Variants in FHAD1 observed in about 807,000 individuals in gnomAD.
FHAD1 encodes the protein forkhead associated phosphopeptide binding domain 1, also known as forkhead-associated domain-containing protein 1.
Under a neutral mutation model 191.3 loss-of-function variants are expected in FHAD1, and 146 were observed. The observed-to-expected ratio is 0.76, with a 90% CI of 0.67 to 0.88. FHAD1 has a LOEUF of 0.88. FHAD1 is among the 40% of genes least tolerant of loss of function. The pLI, the probability that FHAD1 is intolerant of heterozygous loss-of-function variation, is 0.00. For synonymous variants in FHAD1, 616 were observed against 672.3 expected, an observed-to-expected ratio of 0.92 and a Z score of 1.29; for missense variants, 1,635 against 1,785.8, an observed-to-expected ratio of 0.92 and a Z score of 1.52.
At chr1:15,247,683 G>A (rs1257135593) in intron 1 of FHAD1, among the ~76,000 whole-genome samples, 2 of 152,126 alleles carry the variant, frequency 1.3e-5, no homozygotes, top group Non-Finnish European at 2.9e-5. Context: ...ATTAGGAGGG[G>A]CATCCCTGCT....
intron 22 of FHAD1, among the ~76,000 whole-genome samples, chr1:15,361,520 C>G (rs189843658): frequency 2.2e-4 from 34 of 152,232 alleles, no homozygotes; most frequent in Admixed American, 2.0e-3. Context: ...TCAGCTCTCT[C>G]GGTGGAGCTT....
chr1:15,248,897 A>AT (rs1646426595), intron 1 of FHAD1, among the ~76,000 whole-genome samples: 1 of 152,036 alleles, frequency 6.6e-6, no homozygotes, highest in East Asian at 1.9e-4. Context: ...CAGAGATGAC[A>AT]TTTTTATCAT....
chr1:15,294,094 C>G (rs755574787), intron 4 of FHAD1, among the ~76,000 whole-genome samples: 2 of 152,108 alleles, frequency 1.3e-5, no homozygotes, highest in Non-Finnish European at 2.9e-5. Context: ...TGAGGAGTTC[C>G]CCTGTGTCAG....
intron 3 of FHAD1, among the ~76,000 whole-genome samples, chr1:15,284,801 G>T (rs916496071): frequency 6.6e-6 from 1 of 152,150 alleles, no homozygotes; most frequent in East Asian, 1.9e-4. Context: ...GGTCCAGGTG[G>T]TTGGCAGCCT....
intron 22 of FHAD1, 32 bp from the exon 23 acceptor site, chr1:15,362,608 CCT>C: frequency 1.3e-6 from 2 of 1,509,178 alleles, no homozygotes; most frequent in African/African-American, 1.4e-5. Context: ...AGGACAGTTT[CCT>C]CTCACAATGA....
intron 3 of FHAD1, among the ~76,000 whole-genome samples, chr1:15,273,965 G>T (rs1161530630): frequency 6.6e-6 from 1 of 152,080 alleles, no homozygotes; most frequent in Non-Finnish European, 1.5e-5. Context: ...GACTACTCTG[G>T]GTACCTTGTA....
At chr1:15,307,052 C>CAGG (rs1670715309) in intron 6 of FHAD1, among the ~76,000 whole-genome samples, 1 of 152,166 alleles carries the variant, frequency 6.6e-6, no homozygotes, top group Non-Finnish European at 1.5e-5. Flanking sequence ...GAGGTTGTAC[C>CAGG]CTGCAAAGCC....
In FHAD1 at chr1:15,381,484, G is replaced by A; in HGVS notation, c.4022+33G>A. 6.6e-7 allele frequency: 1 copy of A among 1,510,630 alleles called. No homozygotes were observed. Among genetic ancestry groups the A allele is most frequent in the Non-Finnish European group, 9.0e-7 (1 of 1,111,464 alleles). 93.6% of individuals were successfully genotyped at this position (1,510,630 alleles called of 1,614,324 possible). Reference sequence around the variant, plus strand: ...GGCACCCCCATGTCCCCACAGAAAGGCCCGGGCCTCCCTTCTCCTGGCTAA... The same window carrying A: ...GGCACCCCCATGTCCCCACAGAAAGACCCGGGCCTCCCTTCTCCTGGCTAA... On this transcript the variant is annotated intron_variant, in intron 30 of 33. Transcript: ENST00000688493. The surrounding 1 kb of genome is among the most constrained non-coding windows in gnomAD (Gnocchi z 4.6).
At chr1:15,345,010 A>C in intron 16 of FHAD1, 73 bp from the exon 17 acceptor site, 1 of 1,153,380 alleles carries the variant, frequency 8.7e-7, no homozygotes. Flanking sequence ...GAGGTAGCAC[A>C]TGCAGTGCCT....
intron 2 of FHAD1, among the ~76,000 whole-genome samples, chr1:15,261,650 C>G (rs1240980467): frequency 6.6e-6 from 1 of 152,166 alleles, no homozygotes; most frequent in Non-Finnish European, 1.5e-5. Context: ...CTCTGATTGA[C>G]AGGAGGGAAG....
chr1:15,306,798 G>A (rs1339018368), intron 6 of FHAD1, among the ~76,000 whole-genome samples: 1 of 152,270 alleles, frequency 6.6e-6, no homozygotes, highest in African/African-American at 2.4e-5. Context: ...ATGCCTGGAT[G>A]CCCATGCAGA....
intron 3 of FHAD1, 21 bp downstream of exon 3, chr1:15,272,550 G>C (rs1656530162): frequency 1.3e-6 from 2 of 1,531,700 alleles, no homozygotes; most frequent in African/African-American, 1.4e-5. Context: ...GCCACTGGGG[G>C]ATAGAGGGGC....
intron 5 of FHAD1, among the ~76,000 whole-genome samples, chr1:15,297,078 A>G (rs955858970): frequency 7.9e-5 from 12 of 152,208 alleles, no homozygotes; most frequent in African/African-American, 2.9e-4. Context: ...AATCACCATC[A>G]CTTAACAATG....
At chr1:15,396,711 G>A (rs1362901356) in intron 33 of FHAD1, among the ~76,000 whole-genome samples, 1 of 151,900 alleles carries the variant, frequency 6.6e-6, no homozygotes, top group Non-Finnish European at 1.5e-5. Flanking sequence ...TTGGGAGGCT[G>A]AGGCAGGAGA....
chr1:15,246,612 A>G (rs1240929755), upstream of FHAD1, among the ~76,000 whole-genome samples: 1 of 152,184 alleles, frequency 6.6e-6, no homozygotes, highest in Non-Finnish European at 1.5e-5. Flanking sequence ...TGTGACACTC[A>G]TAGGACTCAA....
chr1:15,281,573 A>G (rs1421387423), intron 3 of FHAD1, among the ~76,000 whole-genome samples: 1 of 152,036 alleles, frequency 6.6e-6, no homozygotes, highest in Non-Finnish European at 1.5e-5. Flanking sequence ...CAGTCTGACC[A>G]ACATGGCAAA....
intron 33 of FHAD1, 145 bp from the exon 34 acceptor site, chr1:15,397,152 C>T: frequency 2.6e-6 from 1 of 387,978 alleles, no homozygotes; most frequent in Non-Finnish European, 4.6e-6. Context: ...GATCACACCA[C>T]TGCACTCCAG....
At chr1:15,350,696 A>T (rs1281335817) in intron 19 of FHAD1, among the ~76,000 whole-genome samples, 1 of 152,208 alleles carries the variant, frequency 6.6e-6, no homozygotes, top group Non-Finnish European at 1.5e-5. Context: ...GTGTGGTGGC[A>T]GAACCGCCCT....
At chr1:15,274,167 G>A (rs970091930) in intron 3 of FHAD1, among the ~76,000 whole-genome samples, 6 of 152,126 alleles carry the variant, frequency 3.9e-5, no homozygotes, top group Admixed American at 2.6e-4. Flanking sequence ...GGCTCCTTCC[G>A]CCTTTTGCCT....
Sources: allele counts gnomAD v4.1 joint callset (sites outside exome capture counted in the v4.1 genomes callset), GRCh38; gene constraint gnomAD v4.1.1; non-coding constraint Gnocchi (gnomAD v3.1); transcripts MANE v1.5; gene names NCBI Gene and HGNC (gene_info 2026-07-23, HGNC 2026-07-21).